Variants in RFC1 observed in about 807,000 individuals in gnomAD.
RFC1 encodes A1 140 kDa subunit.
Under a neutral mutation model 137.4 loss-of-function variants are expected in RFC1, and 37 were observed. The ratio of observed to expected loss-of-function variants is 0.27; its 90% CI spans 0.21 to 0.35. The LOEUF is 0.35. Ranked by LOEUF, RFC1 falls within the 10% of genes least tolerant of loss-of-function variation. The pLI is 1.00. For missense variants in RFC1, 1,205 were observed against 1,358.5 expected (o/e 0.89, Z 1.78); for synonymous variants, 429 against 455.7 (o/e 0.94, Z 0.75).
chr4:39,361,759 G>C (rs977181037), intron 1 of RFC1, among the ~76,000 whole-genome samples: 2 of 152,072 alleles, frequency 1.3e-5, no homozygotes, highest in Admixed American at 6.6e-5. Context: ...AATTAGGAAA[G>C]CAGTTCCAGC....
intron 1 of RFC1, 133 bp from the exon 2 acceptor site, chr4:39,351,609 C>A: frequency 1.6e-6 from 1 of 638,614 alleles, no homozygotes; most frequent in Non-Finnish European, 2.4e-6. Context: ...GATAGTTCCA[C>A]GAATATAGTA....
intron 4 of RFC1, 23 bp from the exon 5 acceptor site, chr4:39,327,779 AT>A (rs1739856249): frequency 6.6e-7 from 1 of 1,506,560 alleles, no homozygotes; most frequent in Non-Finnish European, 8.9e-7. Flanking sequence ...GTAACCAAAT[AT>A]TTTTTATAAA....
chr4:39,315,873 G>A (rs544229120), intron 10 of RFC1, among the ~76,000 whole-genome samples: 1 of 152,220 alleles, frequency 6.6e-6, no homozygotes, highest in East Asian at 1.9e-4. Context: ...ACAGCACTTG[G>A]TACATCAGCA....
At chr4:39,311,987 G>A (rs1176038438) in intron 11 of RFC1, among the ~76,000 whole-genome samples, 4 of 152,178 alleles carry the variant, frequency 2.6e-5, no homozygotes, top group South Asian at 2.1e-4. Context: ...AAGGCAACCA[G>A]AAACGTCTTG....
intron 2 of RFC1, among the ~76,000 whole-genome samples, chr4:39,346,406 G>A (rs908239290): frequency 1.3e-4 from 19 of 151,974 alleles, no homozygotes; most frequent in Non-Finnish European, 2.4e-4. Context: ...AACCTGGGGG[G>A]CAGAGGTTGC....
At chr4:39,362,395 G>T (rs930129849) in intron 1 of RFC1, among the ~76,000 whole-genome samples, 2 of 152,198 alleles carry the variant, frequency 1.3e-5, no homozygotes, top group Non-Finnish European at 2.9e-5. Flanking sequence ...CAAAAATTAT[G>T]ACAAAGCCAC....
At chr4:39,324,833 G>A (rs1039644365) in intron 6 of RFC1, among the ~76,000 whole-genome samples, 2 of 152,156 alleles carry the variant, frequency 1.3e-5, no homozygotes, top group African/African-American at 4.8e-5. Flanking sequence ...AGAGTATATC[G>A]GAGGGGTTTC....
chr4:39,325,130 T>G (rs1739699971), intron 6 of RFC1, among the ~76,000 whole-genome samples: 1 of 152,166 alleles, frequency 6.6e-6, no homozygotes, highest in African/African-American at 2.4e-5. Context: ...CTCCCCATGA[T>G]CTCATCCAGT....
intron 2 of RFC1, among the ~76,000 whole-genome samples, chr4:39,346,826 A>G (rs1740884647): frequency 6.6e-6 from 1 of 152,170 alleles, no homozygotes; most frequent in Admixed American, 6.5e-5. Flanking sequence ...AGAAATCCCA[A>G]ATTCTGCCTG....
chr4:39,302,401 C>T (rs374841429), intron 18 of RFC1, 25 bp from the exon 19 acceptor site: 83 of 1,580,304 alleles, frequency 5.3e-5, no homozygotes, highest in Middle Eastern at 1.7e-4. Flanking sequence ...AATAAGACAA[C>T]GTCAAGATAG....
chr4:39,309,132 T>G (rs1021757701), intron 12 of RFC1, 100 bp from the exon 13 acceptor site: 19 of 1,296,126 alleles, frequency 1.5e-5, no homozygotes, highest in African/African-American at 3.0e-5. Context: ...GATATCCAAG[T>G]GGGCTACTCA....
intron 16 of RFC1, 34 bp from the exon 17 acceptor site, chr4:39,302,908 T>C (rs771519664): frequency 1.9e-6 from 3 of 1,562,100 alleles, no homozygotes; most frequent in Admixed American, 3.9e-5. Context: ...AAAATAATTA[T>C]TTTAAAAATG....
At chr4:39,320,179 G>A (rs1283433657) in intron 9 of RFC1, among the ~76,000 whole-genome samples, 2 of 151,788 alleles carry the variant, frequency 1.3e-5, no homozygotes, top group African/African-American at 2.4e-5. Context: ...GAGAAACCCC[G>A]TCTCTACTAA....
chr4:39,293,924 C>A (rs1184723907), intron 22 of RFC1, among the ~76,000 whole-genome samples: 2 of 152,156 alleles, frequency 1.3e-5, no homozygotes, highest in Admixed American at 6.5e-5. Flanking sequence ...CTTCTGGAGG[C>A]CACCTGCATG....
At chr4:39,349,251 T>C (rs1741063604) in intron 2 of RFC1, among the ~76,000 whole-genome samples, 1 of 152,322 alleles carries the variant, frequency 6.6e-6, no homozygotes, top group East Asian at 1.9e-4. Context: ...TGGCCATGGA[T>C]GGAATGTTAT....
chr4:39,326,505 G>T, intron 6 of RFC1, 58 bp downstream of exon 6: 2 of 1,395,132 alleles, frequency 1.4e-6, no homozygotes, highest in Non-Finnish European at 1.0e-6. Context: ...AACCTGGCTG[G>T]ACTAAATAGC....
intron 24 of RFC1, 93 bp from the exon 25 acceptor site, chr4:39,288,937 A>T (rs1737517173): frequency 2.4e-6 from 2 of 831,916 alleles, no homozygotes. Flanking sequence ...CTTTACCTGC[A>T]ACTTAATTAA....
chr4:39,356,200 AC>A (rs1741471574), intron 1 of RFC1, among the ~76,000 whole-genome samples: 1 of 152,090 alleles, frequency 6.6e-6, no homozygotes, highest in Non-Finnish European at 1.5e-5. Flanking sequence ...GGAGTTCCAG[AC>A]TGGCCTGGCC....
At chr4:39,331,975 G>A (rs1041732689) in intron 4 of RFC1, among the ~76,000 whole-genome samples, 13 of 152,086 alleles carry the variant, frequency 8.5e-5, no homozygotes, top group East Asian at 1.9e-4. Flanking sequence ...TCTTTCCTGC[G>A]CTGTTCTCGT....
Sources: gnomAD v4.1 joint callset for allele counts (sites outside exome capture counted in the v4.1 genomes callset) on GRCh38, gnomAD v4.1.1 for gene constraint, MANE v1.5 for transcripts, NCBI Gene and HGNC (gene_info 2026-07-23, HGNC 2026-07-21) for gene names.